The following ATXN3 variants were observed in gnomAD, a reference collection of about 807,000 sequenced individuals.
ATXN3 encodes the protein ataxin 3.
Under a neutral mutation model 58.2 loss-of-function variants are expected in ATXN3, and 28 were observed. The ratio of observed to expected loss-of-function variants is 0.48; its 90% CI spans 0.36 to 0.66. The LOEUF is 0.66. Ranked by LOEUF, ATXN3 falls within the 30% of genes least tolerant of loss-of-function variation. The pLI, the probability that ATXN3 is intolerant of heterozygous loss-of-function variation, is 0.00. For missense variants in ATXN3, 321 were observed against 422.1 expected (o/e 0.76, Z 2.10); for synonymous variants, 113 against 138.5 (o/e 0.82, Z 1.29).
At position 92,085,570 on chromosome 14, in the gene ATXN3, C is replaced by G. The variant is rs949255702; in HGVS notation, c.476-2312G>C. On this transcript the variant is annotated intron_variant, in intron 6 of 10. Coordinates refer to ENST00000644486, the MANE Select transcript of ATXN3 (RefSeq NM_004993.6). ...AGGGTGGGACATAACAGGCCTTACACTGGTTAAGAAGCACTCTGGGCTGCT... is the reference window on the plus strand; with the variant it reads ...AGGGTGGGACATAACAGGCCTTACAGTGGTTAAGAAGCACTCTGGGCTGCT... 2.0e-5 allele frequency among the ~76,000 whole-genome samples: 3 copies of G among 152,236 alleles called. No homozygotes were observed. In the East Asian group the frequency reaches 5.8e-4, roughly 29 times the overall value.
chr14:92,093,856 C>G (rs1288785548), intron 3 of ATXN3, 25 bp from the exon 4 acceptor site: 1 of 1,443,966 alleles, frequency 6.9e-7, no homozygotes, highest in Non-Finnish European at 9.7e-7. Context: ...AGCAACTTTT[C>G]ATAAGCTAAA....
At position 92,064,366 on chromosome 14, in the gene ATXN3, G is replaced by A; in HGVS notation, c.1040C>T (p.Ser347Phe). ...CAAATCATTTCTGACAGTTTCTAAA[G>A]ACATGGTCACAGCTGCCTGAAGCAT... The part of the protein sequence containing the change: ...EDMLQAAVTM[S>F]LETVRNDLKT... Residue 347 changes from serine to phenylalanine, a missense_variant, in exon 11 of 11, where the codon TCT becomes TTT. By Grantham distance (155) the Ser-to-Phe change is radical (BLOSUM62 -2). Coordinates refer to ENST00000644486, the MANE Select transcript of ATXN3 (RefSeq NM_004993.6). The A allele has an allele frequency of 6.2e-7, 1 of 1,613,034 alleles. No homozygotes were observed. The highest frequency in any genetic ancestry group is 8.5e-7 in the Non-Finnish European group (1 of 1,179,414).
In ATXN3 at chr14:92,081,120, AAT is replaced by A. The variant is rs2061382409; in HGVS notation, c.776-61_776-60del. ...CACTGTATTTACCAATTCAAGCAACAATATGTTTGTTTATACTCATTTGAGTA... is the reference window on the plus strand; with the variant it reads ...CACTGTATTTACCAATTCAAGCAACAATGTTTGTTTATACTCATTTGAGTA... On this transcript the variant is annotated intron_variant, in intron 8 of 10. Transcript: ENST00000644486. The A allele has an allele frequency of 5.9e-6, 7 of 1,188,002 alleles. No homozygotes were observed. The East Asian group carries it at 1.4e-4, about 24-fold the overall frequency. The allele number at this position is 1,188,002 out of a possible 1,614,324, so 73.6% of individuals were successfully genotyped here.
chr14:92,052,605 T>C (rs1292693464), upstream of ATXN3, among the ~76,000 whole-genome samples: 1 of 152,138 alleles, frequency 6.6e-6, no homozygotes, highest in Non-Finnish European at 1.5e-5. Context: ...AGCCTCCACT[T>C]TTTACCTGGA....
chr14:92,090,737 AAAT>A (rs1165873424), intron 5 of ATXN3, among the ~76,000 whole-genome samples: 1 of 152,212 alleles, frequency 6.6e-6, no homozygotes, highest in Non-Finnish European at 1.5e-5. Context: ...AAATCTCTCA[AAAT>A]AATAAGATAG....
rs1368219796 is a variant in ATXN3 at position 92,073,956 on chromosome 14, T to C, written c.873-2903A>G. On this transcript the variant is annotated intron_variant, in intron 9 of 10. Coordinates refer to ENST00000644486, the MANE Select transcript of ATXN3 (RefSeq NM_004993.6). ...TGAAACTGGGAGGCAGAGGTTGCAA[T>C]GCGCCAAGATTGCACCACTGCACTC... Among the ~76,000 whole-genome samples, 5 of 140,112 alleles carry C rather than the reference T, an allele frequency of 3.6e-5. No individual in the cohort carries two copies. The East Asian group carries it at 1.0e-3, about 29-fold the overall frequency. 91.9% of individuals were successfully genotyped at this position (140,112 alleles called of 152,430 possible).
At chr14:92,067,919 G>A (rs2058731101) in intron 10 of ATXN3, among the ~76,000 whole-genome samples, 2 of 152,120 alleles carry the variant, frequency 1.3e-5, no homozygotes. Context: ...GAACGCACAT[G>A]GGAGTTCTAG....
intron 9 of ATXN3, 121 bp downstream of exon 9, chr14:92,080,844 G>A (rs1022897868): frequency 2.2e-6 from 2 of 917,810 alleles, no homozygotes; most frequent in Non-Finnish European, 3.4e-6. Flanking sequence ...CCTATTTGCT[G>A]TAAATTTTTA....
At chr14:92,077,733 C>A (rs1332536274) in intron 9 of ATXN3, 1 of 152,178 alleles carries the variant, frequency 6.6e-6, no homozygotes, top group Non-Finnish European at 1.5e-5. Context: ...GCAACCTCCA[C>A]CTCTGGGTTC....
intron 9 of ATXN3, among the ~76,000 whole-genome samples, chr14:92,080,211 T>C (rs1218910191): frequency 6.6e-6 from 1 of 152,186 alleles, no homozygotes; most frequent in Non-Finnish European, 1.5e-5. Context: ...ATTCCCCTGA[T>C]GCTAACAGGC....
chr14:92,070,605 T>G, intron 10 of ATXN3: 1 of 609,138 alleles, frequency 1.6e-6, no homozygotes, highest in Non-Finnish European at 2.6e-6. Context: ...CCATGATGTC[T>G]AAGGAATTTT....
At chr14:92,065,266 C>T (rs2058186294) in intron 10 of ATXN3, among the ~76,000 whole-genome samples, 2 of 152,184 alleles carry the variant, frequency 1.3e-5, no homozygotes, top group African/African-American at 2.4e-5. Flanking sequence ...GATCCAGCCA[C>T]GGTGCTGCCT....
intron 2 of ATXN3, among the ~76,000 whole-genome samples, chr14:92,045,301 A>G (rs1216887955): frequency 2.0e-5 from 3 of 152,114 alleles, no homozygotes; most frequent in Non-Finnish European, 2.9e-5. Context: ...AGCCTGAGAA[A>G]CTGCTTGGGT....
At chr14:92,102,514 C>A (rs2067070898) in intron 1 of ATXN3, among the ~76,000 whole-genome samples, 1 of 152,170 alleles carries the variant, frequency 6.6e-6, no homozygotes, top group Non-Finnish European at 1.5e-5. Context: ...AACTACAACA[C>A]AAATCAGGTA....
At chr14:92,093,944 GTTT>G (rs10606586) in intron 3 of ATXN3, 113 bp from the exon 4 acceptor site, 106,460 of 425,264 alleles carry the variant, frequency 0.25, 6,312 homozygotes, top group East Asian at 0.39. Context: ...AAGGCTATAG[GTTT>G]TTTTTTTTTT....
intron 2 of ATXN3, among the ~76,000 whole-genome samples, chr14:92,045,315 T>C (rs1046741349): frequency 1.3e-5 from 2 of 152,014 alleles, no homozygotes; most frequent in Non-Finnish European, 2.9e-5. Context: ...CTTGGGTGAT[T>C]TGACTAGTAA....
intron 5 of ATXN3, among the ~76,000 whole-genome samples, chr14:92,091,602 CTT>C (rs1237765487): frequency 2.0e-5 from 3 of 151,336 alleles, no homozygotes; most frequent in African/African-American, 2.4e-5. Context: ...ATTTTCTTGA[CTT>C]ATACCTTTTT....
In ATXN3 at chr14:92,082,283, C is replaced by T. The variant is rs2061607290; in HGVS notation, c.775+17G>A. The stretch of plus-strand genomic sequence containing the variant: ...ATTCTTCAGCAATGAATACAACACA[C>T]ATCAGAATGTCTTTACCTTGCATAC... On this transcript the variant is annotated intron_variant, in intron 8 of 10. Coordinates refer to ENST00000644486, the MANE Select transcript of ATXN3 (RefSeq NM_004993.6). 1.9e-6 allele frequency: 3 copies of T among 1,607,238 alleles called. No individual in the cohort carries two copies. The highest frequency in any genetic ancestry group is 2.6e-6 in the Non-Finnish European group (3 of 1,175,560).
intron 6 of ATXN3, among the ~76,000 whole-genome samples, chr14:92,087,850 A>G (rs965652300): frequency 6.6e-6 from 1 of 152,210 alleles, no homozygotes; most frequent in Non-Finnish European, 1.5e-5. Flanking sequence ...AGTGGTTATG[A>G]TTACTGGTAA....
Sources: gnomAD v4.1 joint callset for allele counts (sites outside exome capture counted in the v4.1 genomes callset) on GRCh38, gnomAD v4.1.1 for gene constraint, MANE v1.5 for transcripts, NCBI Gene and HGNC (gene_info 2026-07-23, HGNC 2026-07-21) for gene names.